Variants in SH3PXD2B observed in about 807,000 individuals in gnomAD.
The protein encoded by SH3PXD2B is SH3 and PX domains 2B.
SH3PXD2B carries 37 observed loss-of-function variants against 73.1 expected under a neutral mutation model. The ratio of observed to expected loss-of-function variants is 0.51; its 90% confidence interval spans 0.39 to 0.67. The LOEUF (loss-of-function observed/expected upper bound fraction) is 0.67, where lower values mean the gene tolerates loss of function less well. Among genes scored for constraint, SH3PXD2B ranks in the 30% least tolerant of loss-of-function variants. The probability of loss-of-function intolerance (pLI) is 0.00; values close to 1 mark genes in which losing one functional copy is unlikely to be tolerated. For missense variants in SH3PXD2B, 1,053 were observed against 1,197.8 expected, an observed-to-expected ratio of 0.88 and a Z score of 1.78; for synonymous variants, 457 against 480.5, an observed-to-expected ratio of 0.95 and a Z score of 0.64.
chr5:172,339,255 T>A lies in SH3PXD2B; in HGVS notation c.1850A>T (p.Lys617Ile). Reference protein sequence around the residue: ...VKKPNLRPISKSKTDLPEEKP... With the variant: ...VKKPNLRPISISKTDLPEEKP... ...CTCCTCTGGCAGGTCAGTTTTGGAT[T>A]TGGAGATGGGCCGGAGGTTGGGCTT... Residue 617 changes from lysine (K) to isoleucine (I), a missense_variant, in exon 13 of 13, where the codon AAA (lysine) becomes ATA (isoleucine). This residue lies in a region of SH3PXD2B where 587 missense variants were observed against 590.7 expected (regional missense o/e 0.99). Transcript: ENST00000311601. The surrounding 1 kb of genome is among the most constrained non-coding windows in gnomAD (Gnocchi z 6.1). 6.2e-7 allele frequency: 1 copy of A among 1,614,184 alleles called. No homozygotes were observed. The highest frequency in any genetic ancestry group is 8.5e-7 in the Non-Finnish European group (1 of 1,180,026).
At chr5:172,346,311 G>A (rs764961368) in intron 11 of SH3PXD2B, 50 bp from the exon 12 acceptor site, 21 of 1,611,354 alleles carry the variant, frequency 1.3e-5, no homozygotes, top group South Asian at 3.3e-5. Context: ...GCACTCCTGC[G>A]ACCCTGTGTC....
chr5:172,400,080 T>C (rs1258097871), intron 3 of SH3PXD2B, among the ~76,000 whole-genome samples: 2 of 152,200 alleles, frequency 1.3e-5, no homozygotes, highest in African/African-American at 4.8e-5. Context: ...AAGTCTGGGC[T>C]ACTTATCTTC....
chr5:172,431,163 A>G (rs1759229984), intron 1 of SH3PXD2B, among the ~76,000 whole-genome samples: 1 of 152,186 alleles, frequency 6.6e-6, no homozygotes, highest in Non-Finnish European at 1.5e-5. Flanking sequence ...CACCGCGCCC[A>G]GGCTGTAACC....
intron 1 of SH3PXD2B, 26 bp downstream of exon 1, chr5:172,454,252 G>T: frequency 6.3e-7 from 1 of 1,586,922 alleles, no homozygotes; most frequent in East Asian, 2.3e-5. Flanking sequence ...GGGCTCAAGG[G>T]GGCGTGGGGG....
chr5:172,439,686 GCGCGCGCACACACACACA>G (rs1216358700), intron 1 of SH3PXD2B, among the ~76,000 whole-genome samples: 15 of 87,118 alleles, frequency 1.7e-4, no homozygotes, highest in African/African-American at 7.2e-4. Flanking sequence ...GTGCGCGCAC[GCGCGCGCACACACACACA>G]CACACACACA....
intron 6 of SH3PXD2B, among the ~76,000 whole-genome samples, chr5:172,368,630 A>ATATATGTTATATATATAACAT: frequency 8.7e-5 from 1 of 11,554 alleles, no homozygotes; most frequent in Non-Finnish European, 1.2e-4. Flanking sequence ...ATATATATAT[A>ATATATGTTATATATATAACAT]ATATATATGT....
chr5:172,431,448 G>A (rs991630307), intron 1 of SH3PXD2B, among the ~76,000 whole-genome samples: 3 of 152,178 alleles, frequency 2.0e-5, no homozygotes, highest in East Asian at 3.9e-4. Flanking sequence ...AGGCCTGCCC[G>A]CCCACCGGAG....
intron 3 of SH3PXD2B, among the ~76,000 whole-genome samples, chr5:172,399,582 A>G (rs11134746): frequency 0.3 from 45,825 of 152,038 alleles, 7,460 homozygotes; most frequent in East Asian, 0.66. Context: ...ACCAAATCAC[A>G]ATGGGTCTGA....
intron 12 of SH3PXD2B, chr5:172,325,386 T>A: frequency 6.6e-7 from 1 of 1,526,700 alleles, no homozygotes; most frequent in Middle Eastern, 1.7e-4. Context: ...TGATCCTAGA[T>A]GAATGCAGGG....
intron 12 of SH3PXD2B, among the ~76,000 whole-genome samples, chr5:172,343,457 C>T (rs529411751): frequency 5.8e-4 from 88 of 152,124 alleles, no homozygotes; most frequent in Non-Finnish European, 1.0e-3. Flanking sequence ...GAGGAATGGG[C>T]GTTTTCATTT....
chr5:172,425,197 G>T (rs187643658), intron 1 of SH3PXD2B, among the ~76,000 whole-genome samples: 1 of 152,098 alleles, frequency 6.6e-6, no homozygotes, highest in African/African-American at 2.4e-5. Flanking sequence ...TGGAGATTTT[G>T]AATGGTTTCC....
chr5:172,404,576 G>A (rs964764231), intron 3 of SH3PXD2B, among the ~76,000 whole-genome samples: 4 of 152,256 alleles, frequency 2.6e-5, no homozygotes, highest in East Asian at 1.9e-4. Context: ...ACAGGTGTGA[G>A]CCACCATGCC....
At chr5:172,434,779 A>ATGGTTTTTTTTTTTT (rs1561581227) in intron 1 of SH3PXD2B, among the ~76,000 whole-genome samples, 2 of 67,956 alleles carry the variant, frequency 2.9e-5, no homozygotes, top group African/African-American at 7.0e-5. Flanking sequence ...GCAATGGCCA[A>ATGGTTTTTTTTTTTT]TGGTTTTTTT....
chr5:172,408,046 C>T (rs868092507), intron 2 of SH3PXD2B, among the ~76,000 whole-genome samples: 3 of 152,068 alleles, frequency 2.0e-5, no homozygotes, highest in African/African-American at 4.8e-5. Context: ...CTGTTCTACA[C>T]GATGCCCTGG....
intron 2 of SH3PXD2B, among the ~76,000 whole-genome samples, chr5:172,412,099 T>TAA (rs1292243804): frequency 6.6e-6 from 1 of 152,206 alleles, no homozygotes; most frequent in African/African-American, 2.4e-5. Context: ...TCACTTAGCA[T>TAA]AAGGTCCTCA....
At chr5:172,394,723 T>C (rs1409345455) in intron 3 of SH3PXD2B, 84 bp from the exon 4 acceptor site, 25 of 1,460,122 alleles carry the variant, frequency 1.7e-5, no homozygotes, top group Non-Finnish European at 2.2e-5. Context: ...ACATGGCGGT[T>C]CCTAGGGTAG....
chr5:172,438,939 TAA>T (rs201933616), intron 1 of SH3PXD2B, among the ~76,000 whole-genome samples: 15 of 142,796 alleles, frequency 1.1e-4, no homozygotes, highest in Non-Finnish European at 1.2e-4. Flanking sequence ...TTAATGTCAT[TAA>T]AAAAAAAAAA....
chr5:172,451,242 G>C (rs974607556), intron 1 of SH3PXD2B, among the ~76,000 whole-genome samples: 5 of 152,268 alleles, frequency 3.3e-5, no homozygotes, highest in African/African-American at 1.2e-4. Context: ...AGGCAAGTGA[G>C]TGATGAGCAG....
In SH3PXD2B at chr5:172,421,337, C is replaced by T. The variant is rs1256657812; in HGVS notation, c.156+1079G>A. On this transcript the variant is annotated intron_variant, in intron 2 of 12. Coordinates refer to ENST00000311601, the MANE Select transcript of SH3PXD2B (RefSeq NM_001017995.3). The surrounding 1 kb of genome is among the most constrained non-coding windows in gnomAD (Gnocchi z 4.0). ...TACCCTAATGGGGATGTGCTTATAC[C>T]GAGCTGTTCACATTCTGCCTGGCTC... Among the ~76,000 whole-genome samples the T allele has an allele frequency of 1.3e-5, 2 of 152,188 alleles. No homozygotes were observed. Among genetic ancestry groups the T allele is most frequent in the Admixed American group, 6.5e-5 (1 of 15,276 alleles).
Sources: gnomAD v4.1 joint callset for allele counts (sites outside exome capture counted in the v4.1 genomes callset) on GRCh38, gnomAD v4.1.1 for gene constraint, gnomAD v4.1.1 regional missense constraint, Gnocchi (gnomAD v3.1) non-coding constraint, MANE v1.5 for transcripts, NCBI Gene and HGNC (gene_info 2026-07-23, HGNC 2026-07-21) for gene names.